APBB1: variants seen among roughly 807,000 people sequenced by gnomAD.
APBB1 encodes the protein amyloid beta precursor protein binding family B member 1, also known as adaptor protein FE65a2.
In APBB1, 22 loss-of-function variants were observed where a neutral mutation model predicts 78.4. The observed-to-expected ratio is 0.28, with a 90% CI of 0.20 to 0.40. The LOEUF is 0.40. Among genes scored for constraint, APBB1 ranks in the 10% least tolerant of loss-of-function variants. APBB1 has a pLI of 1.00. For synonymous variants in APBB1, 369 were observed against 372.7 expected, an observed-to-expected ratio of 0.99 and a Z score of 0.12; for missense variants, 749 against 932.4, an observed-to-expected ratio of 0.80 and a Z score of 2.56.
chr11:6,404,123 T>G, intron 2 of APBB1: 2 of 385,068 alleles, frequency 5.2e-6, no homozygotes. Flanking sequence ...GTGACCCCAA[T>G]TAACCTCCTT....
chr11:6,401,421 G>GGCC lies in APBB1; in HGVS notation c.1509_1511dup (p.Ala504dup). The GGCC allele has an allele frequency of 6.2e-7, 1 of 1,613,692 alleles. No homozygotes were observed. The highest frequency in any genetic ancestry group is 2.2e-5 in the East Asian group (1 of 44,852). ...CCAAGCAGCGGGCATTACGCCGTTC[G>GGCC]GCCATGATCTGAGGAAGGAAGGGAG... On this transcript the variant is annotated inframe_insertion, in exon 11 of 15. Transcript: ENST00000609360. The surrounding 1 kb of genome is among the most constrained non-coding windows in gnomAD (Gnocchi z 4.5).
At chr11:6,417,119 C>T (rs975893181) in intron 1 of APBB1, among the ~76,000 whole-genome samples, 34 of 152,204 alleles carry the variant, frequency 2.2e-4, no homozygotes, top group African/African-American at 7.7e-4. Context: ...CTGCCCCTGG[C>T]TTTGGTCACA....
chr11:6,413,955 A>G (rs1849051125), intron 1 of APBB1, among the ~76,000 whole-genome samples: 1 of 152,208 alleles, frequency 6.6e-6, no homozygotes, highest in African/African-American at 2.4e-5. Context: ...AGAAAAAAAT[A>G]GCTCTACCTC....
chr11:6,403,725 G>A lies in APBB1; in HGVS notation c.819C>T (p.Ile273=), dbSNP rs560622465. Reference sequence around the variant, plus strand: ...GTTCCCACTGGGTGGTCCCTGTTGGGATGTGCCAGTAATAGGTCCCTGAGG... The same window carrying A: ...GTTCCCACTGGGTGGTCCCTGTTGGAATGTGCCAGTAATAGGTCCCTGAGG... ...QDTSGTYYWH[I]PTGTTQWEPP... Residue 273 remains isoleucine, a synonymous_variant, in exon 3 of 15, where the codon ATC becomes ATT. Transcript: ENST00000609360. This position sits in a 1 kb window ranked among gnomAD's most constrained non-coding sequence, Gnocchi z 5.3. The A allele has an allele frequency of 1.1e-4, 173 of 1,610,546 alleles. 2 individuals carry two copies. The South Asian group carries it at 1.9e-3, about 17-fold the overall frequency.
At chr11:6,404,924 C>G in intron 2 of APBB1, 2 of 1,454,978 alleles carry the variant, frequency 1.4e-6, no homozygotes. Context: ...CTCACCAGGG[C>G]AGAGCGTCTG....
At chr11:6,418,750 G>C (rs1177927944) in intron 1 of APBB1, among the ~76,000 whole-genome samples, 1 of 147,700 alleles carries the variant, frequency 6.8e-6, no homozygotes, top group East Asian at 2.2e-4. Context: ...TAGTCACCCC[G>C]AGGGGCAGGA....
chr11:6,405,618 A>G, intron 2 of APBB1: 1 of 985,940 alleles, frequency 1.0e-6, no homozygotes, highest in East Asian at 1.1e-4. Context: ...ACACCTGACG[A>G]GAGTTATTCA....
chr11:6,405,118 C>T (rs1294498414), intron 2 of APBB1: 30 of 1,329,068 alleles, frequency 2.3e-5, no homozygotes, highest in Non-Finnish European at 2.7e-5. Flanking sequence ...CTCCATCCCA[C>T]CCTCCAGTGG....
In APBB1 at chr11:6,403,687, G is replaced by A; in HGVS notation, c.857C>T (p.Ala286Val). Reference protein sequence around the residue: ...GTTQWEPPGRASPSQGSSPQE... With the variant: ...GTTQWEPPGRVSPSQGSSPQE... ...GGGGCTGCTCCCCTGTGAGGGGGAG[G>A]CCCGGCCGGGGGGTTCCCACTGGGT... The change falls in exon 3 of 15, where the codon GCC becomes GTC. Residue 286 changes from alanine (A) to valine (V), a missense_variant. Physicochemically the swap from Ala to Val is moderately conservative, Grantham distance 64. This residue lies in a region of APBB1 where 635 missense variants were observed against 765.0 expected (regional missense o/e 0.83). Coordinates refer to ENST00000609360, the MANE Select transcript of APBB1 (RefSeq NM_001164.5). The surrounding 1 kb of genome is among the most constrained non-coding windows in gnomAD (Gnocchi z 5.3). The A allele has an allele frequency of 6.2e-7, 1 of 1,608,200 alleles. No individual in the cohort carries two copies. The highest frequency in any genetic ancestry group is 8.5e-7 in the Non-Finnish European group (1 of 1,176,352).
chr11:6,419,129 A>C, upstream of APBB1: 2 of 363,752 alleles, frequency 5.5e-6, no homozygotes, highest in Non-Finnish European at 4.9e-6. Flanking sequence ...AGGCGCGCGC[A>C]AGGGGAGGGG....
intron 2 of APBB1, among the ~76,000 whole-genome samples, chr11:6,408,949 C>T (rs1460131321): frequency 1.3e-5 from 2 of 151,298 alleles, no homozygotes; most frequent in Non-Finnish European, 2.9e-5. Context: ...TCAATCCAGC[C>T]TTTTTTTGGC....
In APBB1 at chr11:6,411,202, T is replaced by C. The variant is rs1317071303; in HGVS notation, c.146A>G (p.Asp49Gly). Residue 49 changes from aspartate to glycine, a missense_variant, in exon 2 of 15, where the codon GAC becomes GGC. By Grantham distance (94) the Asp-to-Gly change is moderately conservative. Around this residue, in one of 3 missense-constraint regions of APBB1, gnomAD observed 635 missense variants for 765.0 expected, o/e 0.83. Coordinates refer to ENST00000609360, the MANE Select transcript of APBB1 (RefSeq NM_001164.5). This position sits in a 1 kb window ranked among gnomAD's most constrained non-coding sequence, Gnocchi z 5.2. ...KLQATAVGPKDLRSAMGEGGG... is the reference protein window; with the variant it reads ...KLQATAVGPKGLRSAMGEGGG... ...ACCCTCCCCCATGGCGCTGCGCAGG[T>C]CCTTGGGTCCCACAGCTGTGGCCTG... The C allele has an allele frequency of 1.2e-6, 2 of 1,607,610 alleles. No individual in the cohort carries two copies. The highest frequency in any genetic ancestry group is 1.3e-5 in the African/African-American group (1 of 74,892).
Position 6,403,504 on chromosome 11 carries a change from T to C in APBB1, c.938A>G (p.Asp313Gly). The change falls in exon 4 of 15, where the codon GAT becomes GGT. Residue 313 changes from aspartate to glycine, a missense_variant. Asp to Gly is a moderately conservative substitution (Grantham distance 94). Transcript: ENST00000609360. The surrounding 1 kb of genome is among the most constrained non-coding windows in gnomAD (Gnocchi z 5.3). ...TGFAHGEGFE[D>G]GEFWKDEPSD... ...CTTACCCACCTTCCAAAATTCTCCA[T>C]CCTCAAAGCCTTCTCCATGAGCAAA... 1.2e-6 allele frequency: 2 copies of C among 1,614,038 alleles called. No homozygotes were observed. The highest frequency in any genetic ancestry group is 8.5e-7 in the Non-Finnish European group (1 of 1,180,020).
Position 6,419,085 on chromosome 11 carries a change from C to A in APBB1, c.-115G>T. ...CATCACAACATCCCCCGCCCAGGAG[C>A]GCGCGGGCCGCGGGGCCGCGCCCCG... On this transcript the variant is annotated 5_prime_UTR_variant, in exon 1 of 15. Transcript: ENST00000609360. 2.6e-6 allele frequency: 1 copy of A among 385,432 alleles called. No individual in the cohort carries two copies. The highest frequency in any genetic ancestry group is 4.6e-6 in the Non-Finnish European group (1 of 217,478). 23.9% of individuals were successfully genotyped at this position (385,432 alleles called of 1,614,324 possible).
chr11:6,418,506 A>G (rs906735617), intron 1 of APBB1, among the ~76,000 whole-genome samples: 1 of 152,230 alleles, frequency 6.6e-6, no homozygotes, highest in East Asian at 1.9e-4. Flanking sequence ...GCTTCTAATC[A>G]GTGTTCTTGG....
At chr11:6,415,751 C>T (rs1269084097) in intron 1 of APBB1, among the ~76,000 whole-genome samples, 1 of 152,208 alleles carries the variant, frequency 6.6e-6, no homozygotes, top group East Asian at 1.9e-4. Flanking sequence ...CCCTTTCTCT[C>T]CTTCCCAAAA....
At chr11:6,419,131 G>A (rs1590797798), upstream of APBB1, 4 of 363,418 alleles carry the variant, frequency 1.1e-5, no homozygotes, top group East Asian at 4.1e-5. Flanking sequence ...GCGCGCGCAA[G>A]GGGAGGGGGA....
rs770138832 is a variant in APBB1, at chr11:6,401,753, C to T, written c.1389-65G>A. On this transcript the variant is annotated intron_variant, in intron 9 of 14. Coordinates refer to ENST00000609360, the MANE Select transcript of APBB1 (RefSeq NM_001164.5). The surrounding 1 kb of genome is among the most constrained non-coding windows in gnomAD (Gnocchi z 4.5). ...CCAGTGCTGAGCCTGGTCCCCACCC[C>T]ACCCACGTCCTCCCTGCCCATCACA... 6.4e-7 allele frequency: 1 copy of T among 1,566,540 alleles called. No homozygotes were observed. Among genetic ancestry groups the T allele is most frequent in the South Asian group, 1.1e-5 (1 of 89,612 alleles).
chr11:6,397,568 G>A (rs960382660), intron 12 of APBB1, among the ~76,000 whole-genome samples: 1 of 152,246 alleles, frequency 6.6e-6, no homozygotes, highest in African/African-American at 2.4e-5. Context: ...TCTGTCTTGA[G>A]TGCCCTTTCC....
Sources: gnomAD v4.1 joint callset for allele counts (sites outside exome capture counted in the v4.1 genomes callset) on GRCh38, gnomAD v4.1.1 for gene constraint, gnomAD v4.1.1 regional missense constraint, Gnocchi (gnomAD v3.1) non-coding constraint, MANE v1.5 for transcripts, NCBI Gene and HGNC (gene_info 2026-07-23, HGNC 2026-07-21) for gene names.